The following CAMK2D variants were observed in gnomAD, a reference collection of about 807,000 sequenced individuals.
CAMK2D encodes the protein calcium/calmodulin-dependent protein kinase type II subunit delta.
In CAMK2D, 37 loss-of-function variants were observed where a neutral mutation model predicts 84.0. That is an observed-to-expected ratio of 0.44 (90% CI 0.34 to 0.58). CAMK2D has a LOEUF of 0.58. Among genes scored for constraint, CAMK2D ranks in the 20% least tolerant of loss-of-function variants. The pLI, the probability that CAMK2D is intolerant of heterozygous loss-of-function variation, is 0.02. For synonymous variants in CAMK2D, 202 were observed against 212.5 expected (o/e 0.95, Z 0.43); for missense variants, 448 against 652.5 (o/e 0.69, Z 3.41).
At chr4:113,694,225 G>A (rs1013464961) in intron 2 of CAMK2D, among the ~76,000 whole-genome samples, 1 of 152,084 alleles carries the variant, frequency 6.6e-6, no homozygotes, top group African/African-American at 2.4e-5. Flanking sequence ...CCAGATTAAT[G>A]GAGCATCAAG....
intron 2 of CAMK2D, among the ~76,000 whole-genome samples, chr4:113,687,349 T>C (rs573284588): frequency 6.6e-6 from 1 of 152,230 alleles, no homozygotes; most frequent in Non-Finnish European, 1.5e-5. Flanking sequence ...TAACCATCAA[T>C]TGATCTTACA....
chr4:113,758,093 C>G (rs1422761727), intron 2 of CAMK2D, among the ~76,000 whole-genome samples: 1 of 152,078 alleles, frequency 6.6e-6, no homozygotes, highest in Non-Finnish European at 1.5e-5. Flanking sequence ...ATTAAAATGT[C>G]ACTTATAGTT....
At chr4:113,595,703 G>A (rs1304754978) in intron 4 of CAMK2D, among the ~76,000 whole-genome samples, 1 of 152,118 alleles carries the variant, frequency 6.6e-6, no homozygotes, top group Non-Finnish European at 1.5e-5. Context: ...TCTATTAAAT[G>A]TGCAATAGCG....
intron 3 of CAMK2D, among the ~76,000 whole-genome samples, chr4:113,653,414 T>C (rs1219283525): frequency 6.6e-6 from 1 of 152,058 alleles, no homozygotes; most frequent in Non-Finnish European, 1.5e-5. Flanking sequence ...TAAATAGTAT[T>C]AAAATACTTT....
chr4:113,576,127 C>T (rs1424487653), intron 4 of CAMK2D, among the ~76,000 whole-genome samples: 1 of 152,118 alleles, frequency 6.6e-6, no homozygotes, highest in South Asian at 2.1e-4. Flanking sequence ...CCTCAAACTC[C>T]TTGTCTCAAG....
At chr4:113,600,939 G>A (rs1182202010) in intron 4 of CAMK2D, among the ~76,000 whole-genome samples, 1 of 152,132 alleles carries the variant, frequency 6.6e-6, no homozygotes, top group Non-Finnish European at 1.5e-5. Flanking sequence ...TAATGTGATG[G>A]TATAGATATG....
At chr4:113,575,000 G>A (rs567532292) in intron 4 of CAMK2D, among the ~76,000 whole-genome samples, 3 of 152,258 alleles carry the variant, frequency 2.0e-5, no homozygotes, top group Admixed American at 1.3e-4. Context: ...CACAGCATCT[G>A]TGCACTCACT....
intron 6 of CAMK2D, among the ~76,000 whole-genome samples, 174 bp downstream of exon 6, chr4:113,547,470 T>C (rs1246635808): frequency 6.6e-6 from 1 of 152,216 alleles, no homozygotes; most frequent in African/African-American, 2.4e-5. Context: ...ATGTCTCAAG[T>C]GTGTGTTAGA....
chr4:113,639,040 C>T lies in CAMK2D; in HGVS notation c.220+22673G>A, dbSNP rs962172066. ...GGAAGATCACCTGAGGCCTGGAATT[C>T]GAGACCAGCCTGGGCAACATAGCGA... On this transcript the variant is annotated intron_variant, in intron 3 of 20. Coordinates refer to ENST00000511664, the MANE Select transcript of CAMK2D (RefSeq NM_001321571.2). Among the ~76,000 whole-genome samples, 8 of 149,932 alleles carry T rather than the reference C, an allele frequency of 5.3e-5. No individual in the cohort carries two copies. The Admixed American group carries it at 5.4e-4, about 10-fold the overall frequency.
At chr4:113,732,286 G>A (rs2099570848) in intron 2 of CAMK2D, among the ~76,000 whole-genome samples, 1 of 151,992 alleles carries the variant, frequency 6.6e-6, no homozygotes, top group East Asian at 1.9e-4. Flanking sequence ...AGTATGCCCA[G>A]CTAAGTTTTT....
chr4:113,476,592 C>G (rs1469293672), intron 16 of CAMK2D, among the ~76,000 whole-genome samples: 1 of 152,004 alleles, frequency 6.6e-6, no homozygotes, highest in Non-Finnish European at 1.5e-5. Flanking sequence ...CTTCATAAAA[C>G]TAATAAAAGG....
chr4:113,454,410 T>C lies in CAMK2D; in HGVS notation c.*135A>G. The C allele has an allele frequency of 1.3e-6, 1 of 755,908 alleles. No homozygotes were observed. The highest frequency in any genetic ancestry group is 2.5e-6 in the Non-Finnish European group (1 of 405,716). The allele number at this position is 755,908 out of a possible 1,614,324, so 46.8% of individuals were successfully genotyped here. ...GCATTACATGTAGGACCTTCACAAC[T>C]TCATGCACTCAGAAACATGCATGAA... is the stretch of plus-strand genomic sequence containing the variant. On this transcript the variant is annotated 3_prime_UTR_variant, in exon 21 of 21. Coordinates refer to ENST00000511664, the MANE Select transcript of CAMK2D (RefSeq NM_001321571.2).
At chr4:113,666,870 G>A (rs547498692) in intron 2 of CAMK2D, among the ~76,000 whole-genome samples, 1 of 152,236 alleles carries the variant, frequency 6.6e-6, no homozygotes, top group Non-Finnish European at 1.5e-5. Context: ...GAGCTGCTGT[G>A]TTCCCTATTC....
At chr4:113,654,901 TATG>T (rs2099191988) in intron 3 of CAMK2D, among the ~76,000 whole-genome samples, 1 of 151,816 alleles carries the variant, frequency 6.6e-6, no homozygotes, top group Admixed American at 6.6e-5. Flanking sequence ...ATATAGAATA[TATG>T]ATATTTGAAA....
At chr4:113,626,917 T>G (rs541324195) in intron 3 of CAMK2D, among the ~76,000 whole-genome samples, 1 of 152,150 alleles carries the variant, frequency 6.6e-6, no homozygotes, top group Admixed American at 6.5e-5. Context: ...GCTCATATAA[T>G]CCAGAGACCA....
intron 16 of CAMK2D, among the ~76,000 whole-genome samples, chr4:113,489,353 T>C (rs374258381): frequency 7.3e-6 from 1 of 136,096 alleles, no homozygotes; most frequent in Non-Finnish European, 1.5e-5. Context: ...TGTGATCTCA[T>C]AGTTCAATTC....
chr4:113,513,660 A>G (rs1257174718), intron 11 of CAMK2D, among the ~76,000 whole-genome samples, 170 bp downstream of exon 11: 1 of 152,206 alleles, frequency 6.6e-6, no homozygotes, highest in African/African-American at 2.4e-5. Flanking sequence ...GCTTTTCACC[A>G]TAGTTTTGAT....
intron 2 of CAMK2D, among the ~76,000 whole-genome samples, chr4:113,716,101 A>C (rs2099512534): frequency 6.6e-6 from 1 of 152,158 alleles, no homozygotes; most frequent in Non-Finnish European, 1.5e-5. Context: ...GTAGTACAAA[A>C]ATATTAAGAA....
At chr4:113,494,046 A>C (rs1468051192) in intron 16 of CAMK2D, among the ~76,000 whole-genome samples, 2 of 152,088 alleles carry the variant, frequency 1.3e-5, no homozygotes, top group African/African-American at 4.8e-5. Context: ...ACCTTCTTCT[A>C]AATTTTTTTC....
Sources: allele counts gnomAD v4.1 joint callset (sites outside exome capture counted in the v4.1 genomes callset), GRCh38; gene constraint gnomAD v4.1.1; transcripts MANE v1.5; gene names NCBI Gene and HGNC (gene_info 2026-07-23, HGNC 2026-07-21).